The following OPCML variants were observed in gnomAD, a reference collection of about 807,000 sequenced individuals.
The protein encoded by OPCML is opioid binding protein/cell adhesion molecule like.
OPCML carries 13 observed loss-of-function variants against 37.8 expected under a neutral mutation model. The ratio of observed to expected loss-of-function variants is 0.34; its 90% CI spans 0.22 to 0.55. OPCML has a LOEUF of 0.55. OPCML is among the 20% of genes least tolerant of loss of function. The probability of loss-of-function intolerance (pLI) is 0.91; values close to 1 mark genes in which losing one functional copy is unlikely to be tolerated. For missense variants in OPCML, 341 were observed against 435.6 expected (o/e 0.78, Z 1.93); for synonymous variants, 176 against 168.8 (o/e 1.04, Z -0.33).
chr11:133,490,255 C>T (rs1290532721), intron 1 of OPCML, among the ~76,000 whole-genome samples: 3 of 152,174 alleles, frequency 2.0e-5, no homozygotes, highest in Non-Finnish European at 4.4e-5. Context: ...CAGGAACCCA[C>T]CTTTCTGAGA....
In OPCML at chr11:133,225,744, G is replaced by A. The variant is rs1012472915; in HGVS notation, c.62-282734C>T. Among the ~76,000 whole-genome samples, 11 of 152,120 alleles carry A rather than the reference G, an allele frequency of 7.2e-5. No homozygotes were observed. The East Asian group carries it at 1.2e-3, about 16-fold the overall frequency. ...AAAGGATTTGTGTTACCTCTGTGAG[G>A]CCAGTATAGGAAAAAGGGCCTTAAG... On this transcript the variant is annotated intron_variant, in intron 1 of 7. Transcript: ENST00000524381.
intron 1 of OPCML, among the ~76,000 whole-genome samples, chr11:133,068,667 C>G (rs1416364067): frequency 6.6e-6 from 1 of 152,196 alleles, no homozygotes; most frequent in African/African-American, 2.4e-5. Flanking sequence ...GAGGAAAACT[C>G]TAGGTCCTTG....
Position 133,211,315 on chromosome 11 carries a change from T to G in OPCML, c.62-268305A>C, listed in dbSNP as rs1177790099. Among the ~76,000 whole-genome samples, 2 of 152,152 alleles carry G rather than the reference T, an allele frequency of 1.3e-5. No individual in the cohort carries two copies. Among genetic ancestry groups the G allele is most frequent in the African/African-American group, 4.8e-5 (2 of 41,424 alleles). On this transcript the variant is annotated intron_variant, in intron 1 of 7. Coordinates refer to ENST00000524381, the MANE Select transcript of OPCML (RefSeq NM_001012393.5). This position sits in a 1 kb window ranked among gnomAD's most constrained non-coding sequence, Gnocchi z 4.1. ...CAGCACCCAGCACCTAAAAATCCAC[T>G]CTTTAAGCATAATAGTCTATTGATT...
intron 1 of OPCML, among the ~76,000 whole-genome samples, chr11:133,126,011 CAT>C (rs531386526): frequency 2.1e-4 from 31 of 149,580 alleles, no homozygotes; most frequent in East Asian, 7.9e-4. Flanking sequence ...TGTATAGACA[CAT>C]ATGTGTATAT....
chr11:133,232,495 T>C (rs1438856667), intron 1 of OPCML, among the ~76,000 whole-genome samples: 3 of 152,128 alleles, frequency 2.0e-5, no homozygotes. Context: ...ATGACAGTTA[T>C]TAGGACTTGG....
At chr11:133,360,361 T>C (rs1944386030) in intron 1 of OPCML, 1 of 152,212 alleles carries the variant, frequency 6.6e-6, no homozygotes, top group Non-Finnish European at 1.5e-5. Flanking sequence ...CGAGATTCCA[T>C]GCCATTCCTT....
At chr11:133,235,674 A>C (rs1200256013) in intron 1 of OPCML, among the ~76,000 whole-genome samples, 1 of 152,118 alleles carries the variant, frequency 6.6e-6, no homozygotes, top group Non-Finnish European at 1.5e-5. Context: ...GACCCCAAAA[A>C]ATTACTCCTT....
rs558362056 is a variant in OPCML, at chr11:132,921,083, T to C, written c.146+21843A>G. ...ATCACTTTTTTCTTTTTCCATCTCC[T>C]TCTACCATGGCTGTTTTCTTTCCTG... On this transcript the variant is annotated intron_variant, in intron 2 of 7. Coordinates refer to ENST00000524381, the MANE Select transcript of OPCML (RefSeq NM_001012393.5). Among the ~76,000 whole-genome samples the C allele has an allele frequency of 2.0e-5, 3 of 152,348 alleles. No individual in the cohort carries two copies. The East Asian group carries it at 5.8e-4, about 29-fold the overall frequency.
chr11:133,045,069 G>T (rs959625219), intron 1 of OPCML, among the ~76,000 whole-genome samples: 1 of 152,146 alleles, frequency 6.6e-6, no homozygotes, highest in Non-Finnish European at 1.5e-5. Context: ...TCCTAGAGCT[G>T]GTTCAAATCC....
rs78356211 is a variant in OPCML at position 133,465,492 on chromosome 11, G to A, written c.61+66772C>T. On this transcript the variant is annotated intron_variant, in intron 1 of 7. Coordinates refer to ENST00000524381, the MANE Select transcript of OPCML (RefSeq NM_001012393.5). The stretch of plus-strand genomic sequence containing the variant: ...TTTTAGTTCATTTGTCCAACTTTCC[G>A]AGTATCTGAGCATCAGCTGCGTGCT... Among the ~76,000 whole-genome samples the A allele has an allele frequency of 5.1e-3, 782 of 152,258 alleles. 33 individuals are homozygous for A. The highest frequency in any genetic ancestry group is 0.041 in the Admixed American group (629 of 15,282).
intron 1 of OPCML, among the ~76,000 whole-genome samples, chr11:133,289,594 CAAAAAAAAAAAAA>C (rs1229577687): frequency 1.9e-5 from 1 of 52,304 alleles, no homozygotes; most frequent in South Asian, 6.6e-4. Context: ...GACTCCATCT[CAAAAAAAAAAAAA>C]AAAAAAAAAA....
chr11:132,435,149 C>G lies in OPCML; in HGVS notation c.916+937G>C, dbSNP rs113899050. On this transcript the variant is annotated intron_variant, in intron 7 of 7. Transcript: ENST00000524381. ...GCAGGCAGAGGTAGGAAGGAACATG[C>G]TGTACCCACCTGCCACTGCTGATGA... 5 of 1,275,354 alleles carry G rather than the reference C, an allele frequency of 3.9e-6. No individual in the cohort carries two copies. The Admixed American group carries it at 1.1e-4, about 29-fold the overall frequency. The allele number at this position is 1,275,354 out of a possible 1,614,324, so 79.0% of individuals were successfully genotyped here.
chr11:132,820,270 T>A (rs1004003193), intron 2 of OPCML, among the ~76,000 whole-genome samples: 1 of 152,104 alleles, frequency 6.6e-6, no homozygotes, highest in Non-Finnish European at 1.5e-5. Flanking sequence ...AAGATCTTAC[T>A]ACCCACCTTC....
At chr11:133,434,449 G>T (rs1946190192) in intron 1 of OPCML, among the ~76,000 whole-genome samples, 2 of 151,690 alleles carry the variant, frequency 1.3e-5, no homozygotes, top group South Asian at 4.2e-4. Context: ...TTTGTGTATA[G>T]AAGTTAGCAC....
At chr11:132,474,056 G>T (rs2096146661) in intron 4 of OPCML, among the ~76,000 whole-genome samples, 1 of 152,082 alleles carries the variant, frequency 6.6e-6, no homozygotes, top group Non-Finnish European at 1.5e-5. Context: ...AGAGATGAAG[G>T]ACTTCAGCTG....
intron 2 of OPCML, among the ~76,000 whole-genome samples, chr11:132,759,044 A>G (rs1298823159): frequency 6.6e-6 from 1 of 152,204 alleles, no homozygotes; most frequent in Non-Finnish European, 1.5e-5. Context: ...CCTTTTCTGC[A>G]TCTATTGAAA....
At chr11:132,545,867 C>A (rs535147700) in intron 3 of OPCML, among the ~76,000 whole-genome samples, 1 of 152,308 alleles carries the variant, frequency 6.6e-6, no homozygotes, top group South Asian at 2.1e-4. Context: ...CAACATTTTG[C>A]TATTACAATT....
intron 1 of OPCML, among the ~76,000 whole-genome samples, chr11:133,387,142 A>T (rs1307559316): frequency 1.3e-5 from 2 of 152,140 alleles, no homozygotes; most frequent in African/African-American, 4.8e-5. Context: ...ACAAAGGACT[A>T]TTTTTGACTT....
intron 3 of OPCML, among the ~76,000 whole-genome samples, chr11:132,636,845 T>A (rs1429181265): frequency 6.6e-6 from 1 of 152,202 alleles, no homozygotes; most frequent in Admixed American, 6.5e-5. Flanking sequence ...ATAAGCTTCA[T>A]AAATATTTTT....
Sources: gnomAD v4.1 joint callset for allele counts (sites outside exome capture counted in the v4.1 genomes callset) on GRCh38, gnomAD v4.1.1 for gene constraint, Gnocchi (gnomAD v3.1) non-coding constraint, MANE v1.5 for transcripts, NCBI Gene and HGNC (gene_info 2026-07-23, HGNC 2026-07-21) for gene names.